TNFSF4: variants seen among roughly 807,000 people sequenced by gnomAD.
TNFSF4 encodes the protein tumor necrosis factor ligand superfamily member 4.
TNFSF4 carries 4 observed loss-of-function variants against 7.3 expected under a neutral mutation model. The observed-to-expected ratio is 0.55, with a 90% CI of 0.27 to 1.25. TNFSF4 has a LOEUF of 1.25. Among genes scored for constraint, TNFSF4 ranks in the 50% most tolerant of loss-of-function variants. TNFSF4 has a pLI of 0.12. For synonymous variants in TNFSF4, 76 were observed against 83.7 expected, an observed-to-expected ratio of 0.91 and a Z score of 0.50; for missense variants, 181 against 208.8, an observed-to-expected ratio of 0.87 and a Z score of 0.82.
intron 1 of TNFSF4, chr1:173,205,271 C>T: frequency 6.2e-7 from 1 of 1,608,600 alleles, no homozygotes; most frequent in Non-Finnish European, 8.5e-7. Flanking sequence ...ATCTCTGTGC[C>T]AGGACTATAG....
the TNFSF4 span, among the ~76,000 whole-genome samples, chr1:173,265,225 A>G: frequency 3.9e-5 from 6 of 152,218 alleles, no homozygotes; most frequent in Non-Finnish European, 8.8e-5. Context: ...ATGAAAGTGG[A>G]CTGAGAAAGG....
At chr1:173,420,130 A>T in the TNFSF4 span, among the ~76,000 whole-genome samples, 1 of 151,948 alleles carries the variant, frequency 6.6e-6, no homozygotes, top group Non-Finnish European at 1.5e-5. Flanking sequence ...TTGTCCCTGC[A>T]CTTGAGATGA....
At chr1:173,369,524 C>T in the TNFSF4 span, among the ~76,000 whole-genome samples, 15,628 of 152,002 alleles carry the variant, frequency 0.1, 945 homozygotes, top group Middle Eastern at 0.16. Context: ...GTCCAGGGAC[C>T]GTTGCAGGTT....
chr1:173,363,675 TA>T, the TNFSF4 span: 1 of 326,278 alleles, frequency 3.1e-6, no homozygotes, highest in South Asian at 3.4e-5. Context: ...CAGGCTTCCC[TA>T]AGGCCCTGAT....
chr1:173,359,266 G>A, the TNFSF4 span, among the ~76,000 whole-genome samples: 1 of 152,036 alleles, frequency 6.6e-6, no homozygotes, highest in Non-Finnish European at 1.5e-5. Context: ...TGTTTGTTGA[G>A]TTGAATGAAT....
chr1:173,226,559 A>T, the TNFSF4 span, among the ~76,000 whole-genome samples: 1 of 152,218 alleles, frequency 6.6e-6, no homozygotes, highest in Non-Finnish European at 1.5e-5. Flanking sequence ...TCTTTAAATC[A>T]CTGTATTTGG....
At chr1:173,234,565 A>G in the TNFSF4 span, among the ~76,000 whole-genome samples, 1 of 152,216 alleles carries the variant, frequency 6.6e-6, no homozygotes, top group African/African-American at 2.4e-5. Flanking sequence ...TCAGTGATAG[A>G]GTGGATTAAG....
At chr1:173,324,011 A>C in the TNFSF4 span, among the ~76,000 whole-genome samples, 1 of 152,190 alleles carries the variant, frequency 6.6e-6, no homozygotes, top group Non-Finnish European at 1.5e-5. Flanking sequence ...AATACATAGA[A>C]CGCCACAAAG....
chr1:173,325,277 T>C, the TNFSF4 span, among the ~76,000 whole-genome samples: 5 of 151,816 alleles, frequency 3.3e-5, no homozygotes, highest in East Asian at 1.9e-4. Context: ...GGGTACATAA[T>C]GAAATGAAGG....
At chr1:173,231,464 T>C in the TNFSF4 span, among the ~76,000 whole-genome samples, 5 of 152,218 alleles carry the variant, frequency 3.3e-5, no homozygotes, top group East Asian at 5.8e-4. Context: ...TAATAGCTAT[T>C]TATGACAAAC....
the TNFSF4 span, among the ~76,000 whole-genome samples, chr1:173,352,876 T>A: frequency 6.6e-6 from 1 of 152,160 alleles, no homozygotes; most frequent in Non-Finnish European, 1.5e-5. Flanking sequence ...TTTAGAGGCC[T>A]CCTCCTGGGA....
the TNFSF4 span, among the ~76,000 whole-genome samples, chr1:173,429,670 T>G: frequency 1.3e-5 from 2 of 152,194 alleles, no homozygotes; most frequent in South Asian, 4.1e-4. Context: ...GCCTGCCGCG[T>G]GGTGGCGCTT....
chr1:173,419,143 T>G, the TNFSF4 span, among the ~76,000 whole-genome samples: 1 of 151,942 alleles, frequency 6.6e-6, no homozygotes, highest in Non-Finnish European at 1.5e-5. Context: ...ATCGAGACCA[T>G]CCTGGCTAAC....
At chr1:173,269,476 A>G in the TNFSF4 span, among the ~76,000 whole-genome samples, 2 of 152,084 alleles carry the variant, frequency 1.3e-5, no homozygotes, top group African/African-American at 4.8e-5. Flanking sequence ...CCATTTGCAT[A>G]ATTAGATTTC....
the TNFSF4 span, among the ~76,000 whole-genome samples, chr1:173,306,506 T>C: frequency 6.6e-6 from 1 of 151,974 alleles, no homozygotes; most frequent in Non-Finnish European, 1.5e-5. Context: ...AGTGTAGGTA[T>C]TCTCTCTGCA....
the TNFSF4 span, among the ~76,000 whole-genome samples, chr1:173,259,224 G>A: frequency 6.6e-6 from 1 of 152,244 alleles, no homozygotes; most frequent in African/African-American, 2.4e-5. Context: ...ATAGGGTCTG[G>A]AGTGGACCCC....
the TNFSF4 span, among the ~76,000 whole-genome samples, chr1:173,239,601 A>T: frequency 6.6e-6 from 1 of 152,208 alleles, no homozygotes; most frequent in African/African-American, 2.4e-5. Flanking sequence ...GATGTCTGTG[A>T]TCAAGCAGCT....
At chr1:173,382,136 CT>C in the TNFSF4 span, among the ~76,000 whole-genome samples, 2 of 152,174 alleles carry the variant, frequency 1.3e-5, no homozygotes, top group African/African-American at 4.8e-5. Context: ...CCTTTATGAG[CT>C]GTAACACTCA....
chr1:173,239,375 G>A, the TNFSF4 span, among the ~76,000 whole-genome samples: 13 of 152,274 alleles, frequency 8.5e-5, no homozygotes, highest in East Asian at 2.5e-3. Context: ...CAGTCTTTCA[G>A]GGTAACCAAG....
Sources: allele counts gnomAD v4.1 joint callset (sites outside exome capture counted in the v4.1 genomes callset), GRCh38; gene constraint gnomAD v4.1.1; transcripts MANE v1.5; gene names NCBI Gene and HGNC (gene_info 2026-07-23, HGNC 2026-07-21).